S100PBP: variants seen among roughly 807,000 people sequenced by gnomAD.
S100PBP encodes the protein S100P binding protein.
Under a neutral mutation model 39.9 loss-of-function variants are expected in S100PBP, and 15 were observed. The observed-to-expected ratio is 0.38, with a 90% CI of 0.25 to 0.58. The LOEUF (loss-of-function observed/expected upper bound fraction) is 0.58. S100PBP is among the 20% of genes least tolerant of loss of function. The pLI, the probability that S100PBP is intolerant of heterozygous loss-of-function variation, is 0.70. For missense variants in S100PBP, 504 were observed against 487.3 expected (o/e 1.03, Z -0.32); for synonymous variants, 178 against 180.3 (o/e 0.99, Z 0.10).
chr1:32,858,036 G>A lies in S100PBP; in HGVS notation c.*1998G>A, dbSNP rs1173185646. The A allele has an allele frequency of 2.0e-5, 3 of 152,220 alleles. No individual in the cohort carries two copies. Among genetic ancestry groups the A allele is most frequent in the African/African-American group, 7.2e-5 (3 of 41,430 alleles). 9.4% of individuals were successfully genotyped at this position (152,220 alleles called of 1,614,324 possible). On this transcript the variant is annotated 3_prime_UTR_variant, in exon 7 of 7. Transcript: ENST00000373475. Reference sequence around the variant, plus strand: ...CACTTCTCCAGGCTGCCCTAAATTAGGTTGATGGAGTGAGACATGCCAAAC... The same window carrying A: ...CACTTCTCCAGGCTGCCCTAAATTAAGTTGATGGAGTGAGACATGCCAAAC...
chr1:32,853,697 G>A (rs200280781), intron 6 of S100PBP, among the ~76,000 whole-genome samples: 1 of 152,030 alleles, frequency 6.6e-6, no homozygotes, highest in East Asian at 1.9e-4. Context: ...CCAGGAGTTC[G>A]AGACCAGCCT....
intron 5 of S100PBP, among the ~76,000 whole-genome samples, chr1:32,832,518 G>C (rs1161693561): frequency 6.6e-6 from 1 of 151,972 alleles, no homozygotes; most frequent in African/African-American, 2.4e-5. Flanking sequence ...CAGACCTCTG[G>C]CACTTCCTTC....
chr1:32,816,965 G>A, upstream of S100PBP: 2 of 619,704 alleles, frequency 3.2e-6, no homozygotes, highest in Non-Finnish European at 5.7e-6. Flanking sequence ...TCCAACACAA[G>A]ACAACTGGAC....
intron 1 of S100PBP, among the ~76,000 whole-genome samples, chr1:32,823,594 A>G (rs1424133847): frequency 6.6e-6 from 1 of 152,174 alleles, no homozygotes; most frequent in Non-Finnish European, 1.5e-5. Flanking sequence ...GGTATTTAGT[A>G]TTTCTTTTTC....
At chr1:32,840,602 CT>C (rs1351739884) in intron 5 of S100PBP, among the ~76,000 whole-genome samples, 2 of 152,102 alleles carry the variant, frequency 1.3e-5, no homozygotes, top group Non-Finnish European at 2.9e-5. Flanking sequence ...GGTGATCCGC[CT>C]GCCTCGGCCT....
chr1:32,830,781 C>G (rs1440171382), intron 5 of S100PBP, among the ~76,000 whole-genome samples: 2 of 152,198 alleles, frequency 1.3e-5, no homozygotes, highest in African/African-American at 4.8e-5. Flanking sequence ...CATGGTGGCT[C>G]ATGCCTGTAA....
At position 32,857,943 on chromosome 1, in the gene S100PBP, G is replaced by A. The variant is rs2148705925; in HGVS notation, c.*1905G>A. On this transcript the variant is annotated 3_prime_UTR_variant, in exon 7 of 7. Transcript: ENST00000373475. ...TCTGGGGCCAAAATGCAAAGGAGAAGTTCTATTCAAAGGCAGTAGTTGAAA... is the reference window on the plus strand; with the variant it reads ...TCTGGGGCCAAAATGCAAAGGAGAAATTCTATTCAAAGGCAGTAGTTGAAA... 1 of 152,342 alleles carries A rather than the reference G, an allele frequency of 6.6e-6. No homozygotes were observed. Among genetic ancestry groups the A allele is most frequent in the Admixed American group, 6.5e-5 (1 of 15,308 alleles). The allele number at this position is 152,342 out of a possible 1,614,324, so 9.4% of individuals were successfully genotyped here.
chr1:32,833,721 A>G (rs1321259124), intron 5 of S100PBP, among the ~76,000 whole-genome samples: 1 of 152,182 alleles, frequency 6.6e-6, no homozygotes, highest in Non-Finnish European at 1.5e-5. Flanking sequence ...AAAAAAACTT[A>G]AAATCACCTA....
chr1:32,817,286 A>G (rs1269420109), upstream of S100PBP: 4 of 1,612,006 alleles, frequency 2.5e-6, no homozygotes, highest in Non-Finnish European at 3.4e-6. Context: ...CCGGCACCAG[A>G]GCCCCTTCCT....
At chr1:32,819,255 A>C (rs1638926819) in intron 1 of S100PBP, among the ~76,000 whole-genome samples, 2 of 152,168 alleles carry the variant, frequency 1.3e-5, no homozygotes, top group African/African-American at 2.4e-5. Flanking sequence ...AAGATCGGAA[A>C]AATATTCTTC....
At chr1:32,825,996 G>A (rs1166679773) in intron 2 of S100PBP, 102 bp from the exon 3 acceptor site, 7 of 794,368 alleles carry the variant, frequency 8.8e-6, no homozygotes, top group Admixed American at 2.6e-5. Flanking sequence ...AAGTCACAGT[G>A]CAAAGATTTT....
Position 32,855,932 on chromosome 1 carries a change from C to T in S100PBP, c.1121C>T (p.Ala374Val), listed in dbSNP as rs1204995102. The T allele has an allele frequency of 1.2e-6, 2 of 1,612,342 alleles. No individual in the cohort carries two copies. The highest frequency in any genetic ancestry group is 1.1e-5 in the South Asian group (1 of 90,976). Residue 374 changes from alanine (A) to valine (V), a missense_variant, in exon 7 of 7, where the codon GCC (alanine) becomes GTC (valine). Ala to Val is a moderately conservative substitution (Grantham distance 64). Transcript: ENST00000373475. ...HPSDLTTRNY[A>V]RRQKHLQRYS... is the part of the protein sequence containing the mutation. ...TCTCCCTCTCTCGATAGAAACTACGCCCGCCGACAGAAACATCTGCAAAGA... is the reference window on the plus strand; with the variant it reads ...TCTCCCTCTCTCGATAGAAACTACGTCCGCCGACAGAAACATCTGCAAAGA...
chr1:32,819,305 C>A (rs530992962), intron 1 of S100PBP, among the ~76,000 whole-genome samples: 1 of 152,190 alleles, frequency 6.6e-6, no homozygotes, highest in South Asian at 2.1e-4. Flanking sequence ...TGGTGGCTCA[C>A]GCCTGTAATC....
chr1:32,855,514 G>A (rs1410937195), intron 6 of S100PBP, among the ~76,000 whole-genome samples: 1 of 152,140 alleles, frequency 6.6e-6, no homozygotes, highest in East Asian at 1.9e-4. Flanking sequence ...ACCTTGAGCT[G>A]TGTCAGACAA....
At position 32,853,183 on chromosome 1, in the gene S100PBP, A is replaced by G. The variant is rs774097686; in HGVS notation, c.1112+17A>G. 3 of 1,580,934 alleles carry G rather than the reference A, an allele frequency of 1.9e-6. No homozygotes were observed. The highest frequency in any genetic ancestry group is 2.0e-4 in the Middle Eastern group (1 of 5,026). ...CACCACGCGGTGAGTGGGTGATTAG[A>G]AGAAGATGGAAAAGGGTAGAATGGC... On this transcript the variant is annotated intron_variant, in intron 6 of 6. Coordinates refer to ENST00000373475, the MANE Select transcript of S100PBP (RefSeq NM_022753.4).
intron 5 of S100PBP, among the ~76,000 whole-genome samples, chr1:32,851,767 A>G (rs1569952539): frequency 1.3e-5 from 2 of 152,058 alleles, no homozygotes; most frequent in African/African-American, 4.8e-5. Flanking sequence ...CTCAGGCCCT[A>G]CCCAGATCTG....
chr1:32,817,259 T>C, upstream of S100PBP: 1 of 1,613,892 alleles, frequency 6.2e-7, no homozygotes, highest in Non-Finnish European at 8.5e-7. Flanking sequence ...CCGCTACCCC[T>C]GCTTCCCCCG....
At chr1:32,838,898 A>C (rs1639965931) in intron 5 of S100PBP, among the ~76,000 whole-genome samples, 1 of 151,944 alleles carries the variant, frequency 6.6e-6, no homozygotes. Flanking sequence ...GTATATTCAT[A>C]TTGTTGTACA....
chr1:32,837,117 G>A (rs1171307101), intron 5 of S100PBP: 1 of 124,184 alleles, frequency 8.1e-6, no homozygotes, highest in Non-Finnish European at 1.6e-5. Context: ...GGTGGCGGGT[G>A]CCTGTAGTCC....
Sources: allele counts gnomAD v4.1 joint callset (sites outside exome capture counted in the v4.1 genomes callset), GRCh38; gene constraint gnomAD v4.1.1; transcripts MANE v1.5; gene names NCBI Gene and HGNC (gene_info 2026-07-23, HGNC 2026-07-21).